Variants in INTS15 observed in about 807,000 individuals in gnomAD.
INTS15 encodes integrator complex subunit 15.
the INTS15 span, among the ~76,000 whole-genome samples, chr7:6,601,781 T>G: frequency 6.6e-6 from 1 of 151,956 alleles, no homozygotes. Flanking sequence ...CTCAGCCGCC[T>G]GAGTAGCTGG....
chr7:6,607,919 C>G, the INTS15 span: 2 of 1,594,362 alleles, frequency 1.3e-6, no homozygotes, highest in African/African-American at 2.7e-5. The surrounding 1 kb of genome is among the most constrained non-coding windows in gnomAD (Gnocchi z 6.0). Flanking sequence ...TGCGGAGTCC[C>G]CGGAGCCCGC....
At chr7:6,604,686 A>G in the INTS15 span, among the ~76,000 whole-genome samples, 2 of 152,150 alleles carry the variant, frequency 1.3e-5, no homozygotes, top group South Asian at 4.1e-4. Context: ...GCAGGCTGAG[A>G]CAGAAACATG....
chr7:6,590,527 CT>C, the INTS15 span: 3 of 1,491,390 alleles, frequency 2.0e-6, no homozygotes, highest in Non-Finnish European at 1.8e-6. Context: ...GCGGGCGGGC[CT>C]TTTCCCCAGC....
the INTS15 span, chr7:6,607,980 C>G: frequency 3.7e-6 from 6 of 1,600,124 alleles, no homozygotes; most frequent in Non-Finnish European, 4.2e-6. The surrounding 1 kb of genome is among the most constrained non-coding windows in gnomAD (Gnocchi z 6.0). Flanking sequence ...CTGGTGATCT[C>G]GGGTCCCGTG....
At chr7:6,592,274 T>C in the INTS15 span, among the ~76,000 whole-genome samples, 2 of 151,888 alleles carry the variant, frequency 1.3e-5, no homozygotes, top group African/African-American at 4.8e-5. Flanking sequence ...TTGTTTAAAT[T>C]ATTTTTTTTG....
the INTS15 span, chr7:6,608,114 C>G: frequency 6.4e-7 from 1 of 1,568,386 alleles, no homozygotes; most frequent in South Asian, 1.2e-5. Flanking sequence ...GCATCCCGGC[C>G]ACACCTTCAT....
chr7:6,593,872 A>T, the INTS15 span, among the ~76,000 whole-genome samples: 1 of 150,310 alleles, frequency 6.7e-6, no homozygotes, highest in Non-Finnish European at 1.5e-5. Flanking sequence ...GCTCATCTGG[A>T]ACTGCTGGGC....
chr7:6,607,829 A>T, the INTS15 span: 1 of 1,504,444 alleles, frequency 6.6e-7, no homozygotes, highest in Non-Finnish European at 8.8e-7. This position sits in a 1 kb window ranked among gnomAD's most constrained non-coding sequence, Gnocchi z 6.0. Context: ...CACCGCCTGG[A>T]CCCCCGGGTG....
At chr7:6,590,279 G>A in the INTS15 span, 6 of 1,530,384 alleles carry the variant, frequency 3.9e-6, no homozygotes, top group Non-Finnish European at 4.4e-6. Flanking sequence ...CGCGGCGGCC[G>A]CACCATGAGC....
the INTS15 span, among the ~76,000 whole-genome samples, chr7:6,603,121 G>A: frequency 0.023 from 3,448 of 151,840 alleles, 119 homozygotes; most frequent in African/African-American, 0.077. Flanking sequence ...GTGGTGGTGC[G>A]CACCTGTAAT....
chr7:6,590,367 C>T, the INTS15 span: 1 of 1,607,154 alleles, frequency 6.2e-7, no homozygotes, highest in Non-Finnish European at 8.5e-7. Flanking sequence ...ACATCTACTT[C>T]AGCAGCCAGC....
the INTS15 span, among the ~76,000 whole-genome samples, chr7:6,601,066 C>T: frequency 1.3e-5 from 2 of 152,108 alleles, no homozygotes; most frequent in Non-Finnish European, 2.9e-5. Flanking sequence ...CTCCTGAGCT[C>T]AGGCAATCCT....
chr7:6,599,812 A>C, the INTS15 span: 1,261 of 1,609,162 alleles, frequency 7.8e-4, 1 homozygote, highest in Non-Finnish European at 9.8e-4. Context: ...TCCTGACCTA[A>C]TGGTCTTTGT....
the INTS15 span, chr7:6,594,741 T>C: frequency 1.6e-5 from 13 of 836,174 alleles, no homozygotes; most frequent in South Asian, 2.1e-4. Flanking sequence ...TTTTATTATT[T>C]TTTGAGATGG....
the INTS15 span, chr7:6,594,507 T>A: frequency 6.2e-7 from 1 of 1,614,160 alleles, no homozygotes. Flanking sequence ...GGTGCCGGGA[T>A]CCATTCAGAC....
chr7:6,603,602 G>A, the INTS15 span, among the ~76,000 whole-genome samples: 1,434 of 151,256 alleles, frequency 9.5e-3, 18 homozygotes, highest in African/African-American at 0.033. Context: ...ACTTCGGGAG[G>A]CCAAGGTGGG....
the INTS15 span, among the ~76,000 whole-genome samples, chr7:6,598,852 C>T: frequency 6.7e-6 from 1 of 149,190 alleles, no homozygotes; most frequent in South Asian, 2.1e-4. Context: ...AGTGGGACAG[C>T]CACAGCTGAC....
At chr7:6,608,324 C>A in the INTS15 span, 1 of 1,429,474 alleles carries the variant, frequency 7.0e-7, no homozygotes, top group Non-Finnish European at 9.1e-7. Context: ...CCCACCCGGT[C>A]GCATTCTTTG....
At chr7:6,598,718 G>T in the INTS15 span, among the ~76,000 whole-genome samples, 1 of 144,636 alleles carries the variant, frequency 6.9e-6, no homozygotes, top group East Asian at 2.1e-4. Context: ...GCTGAGGTCA[G>T]ATCTGGGCTG....
Sources: allele counts gnomAD v4.1 joint callset (sites outside exome capture counted in the v4.1 genomes callset), GRCh38; gene constraint gnomAD v4.1.1; non-coding constraint Gnocchi (gnomAD v3.1); transcripts MANE v1.5; gene names NCBI Gene and HGNC (gene_info 2026-07-23, HGNC 2026-07-21).